The following GLIS1 variants were observed in gnomAD, a reference collection of about 807,000 sequenced individuals.
GLIS1 encodes GLIS family zinc finger 1.
A neutral mutation model predicts 63.8 loss-of-function variants in GLIS1; 24 were observed. That is an observed-to-expected ratio of 0.38 (90% CI 0.27 to 0.53). The LOEUF (loss-of-function observed/expected upper bound fraction) is 0.53, where lower values mean the gene tolerates loss of function less well. GLIS1 is among the 20% of genes least tolerant of loss of function. GLIS1 has a pLI of 0.85. For synonymous variants in GLIS1, 450 were observed against 482.5 expected, an observed-to-expected ratio of 0.93 and a Z score of 0.88; for missense variants, 1,036 against 1,074.1, an observed-to-expected ratio of 0.96 and a Z score of 0.50.
At chr1:53,641,431 G>A (rs1403473121) in intron 2 of GLIS1, among the ~76,000 whole-genome samples, 1 of 152,234 alleles carries the variant, frequency 6.6e-6, no homozygotes. Context: ...GCAGTCTGGG[G>A]AGGAGGAAAA....
At chr1:53,669,213 C>A (rs780428028) in intron 2 of GLIS1, among the ~76,000 whole-genome samples, 3 of 152,154 alleles carry the variant, frequency 2.0e-5, no homozygotes, top group Non-Finnish European at 4.4e-5. Context: ...ATCCTCCCCC[C>A]ACCTAGAGGA....
intron 4 of GLIS1, among the ~76,000 whole-genome samples, chr1:53,582,042 T>C (rs1341149894): frequency 6.6e-6 from 1 of 151,826 alleles, no homozygotes; most frequent in Non-Finnish European, 1.5e-5. Context: ...GAATGCAGAG[T>C]TGGGGAGGGA....
At chr1:53,697,652 C>A (rs1235762712) in intron 2 of GLIS1, among the ~76,000 whole-genome samples, 1 of 152,230 alleles carries the variant, frequency 6.6e-6, no homozygotes, top group South Asian at 2.1e-4. Flanking sequence ...GAAGGACCTA[C>A]CCATCCATCA....
chr1:53,734,029 C>A, intron 2 of GLIS1: 1 of 985,208 alleles, frequency 1.0e-6, no homozygotes, highest in African/African-American at 1.7e-5. Flanking sequence ...CCACCGCCCC[C>A]ACTCCGAGTC....
chr1:53,618,354 G>A (rs922562276), intron 2 of GLIS1, among the ~76,000 whole-genome samples: 1 of 152,242 alleles, frequency 6.6e-6, no homozygotes, highest in Non-Finnish European at 1.5e-5. Flanking sequence ...AGAAAGATGA[G>A]AGATAAGAAG....
chr1:53,734,148 T>C (rs1488509464), intron 2 of GLIS1: 21 of 985,250 alleles, frequency 2.1e-5, no homozygotes, highest in Non-Finnish European at 2.5e-5. Flanking sequence ...GGGTTCACAT[T>C]TGTCGTGATC....
chr1:53,662,816 T>C (rs1646043563), intron 2 of GLIS1, among the ~76,000 whole-genome samples: 1 of 152,226 alleles, frequency 6.6e-6, no homozygotes, highest in African/African-American at 2.4e-5. Context: ...TGACAACTAA[T>C]GCTTACTGAG....
chr1:53,549,635 A>C (rs1264550644), intron 4 of GLIS1, among the ~76,000 whole-genome samples: 2 of 152,232 alleles, frequency 1.3e-5, no homozygotes, highest in Non-Finnish European at 2.9e-5. Flanking sequence ...TTCATTATTA[A>C]GTTGAAAGAG....
At chr1:53,531,699 A>G (rs1247150752) in intron 4 of GLIS1, among the ~76,000 whole-genome samples, 1 of 152,348 alleles carries the variant, frequency 6.6e-6, no homozygotes, top group South Asian at 2.1e-4. Context: ...GAGATGTCAC[A>G]GAGGGAGACA....
intron 2 of GLIS1, among the ~76,000 whole-genome samples, chr1:53,607,196 A>G (rs948326475): frequency 2.0e-5 from 3 of 152,266 alleles, no homozygotes; most frequent in Non-Finnish European, 4.4e-5. Flanking sequence ...ACATGAGGAC[A>G]TAAACCTCTG....
At position 53,651,980 on chromosome 1, in the gene GLIS1, G is replaced by A. The variant is rs538844332; in HGVS notation, c.260-51702C>T. 6.6e-5 allele frequency among the ~76,000 whole-genome samples: 10 copies of A among 152,172 alleles called. No individual in the cohort carries two copies. In the South Asian group the frequency reaches 2.1e-3, roughly 32 times the overall value. ...CTCAGGGTGAATGAGACAAATGCAC[G>A]TCCTCAAGGCCTCTCCAGAGTTATG... On this transcript the variant is annotated intron_variant, in intron 2 of 10. Transcript: ENST00000628545.
chr1:53,730,719 TC>T (rs2100572715), intron 2 of GLIS1, among the ~76,000 whole-genome samples: 1 of 152,216 alleles, frequency 6.6e-6, no homozygotes, highest in Admixed American at 6.5e-5. Context: ...TGCAAGTCCA[TC>T]TTCAGAATCA....
chr1:53,547,218 G>A (rs777593480), intron 4 of GLIS1, among the ~76,000 whole-genome samples: 2 of 152,232 alleles, frequency 1.3e-5, no homozygotes, highest in Middle Eastern at 3.2e-3. Flanking sequence ...TGGGTAAGGC[G>A]AAAAGACCTG....
intron 4 of GLIS1, among the ~76,000 whole-genome samples, chr1:53,577,414 C>T (rs1164411883): frequency 6.6e-6 from 1 of 152,218 alleles, no homozygotes; most frequent in Admixed American, 6.5e-5. Flanking sequence ...CCTGTCCCTC[C>T]TGATTCTCTC....
intron 4 of GLIS1, among the ~76,000 whole-genome samples, chr1:53,592,453 AAG>A (rs1005355768): frequency 9.2e-5 from 14 of 152,072 alleles, no homozygotes; most frequent in Admixed American, 4.6e-4. Context: ...TCACCCATAA[AAG>A]AGAATATGTG....
rs2948049 is a variant in GLIS1 at position 53,609,676 on chromosome 1, A to T, written c.260-9398T>A. On this transcript the variant is annotated intron_variant, in intron 2 of 10. Transcript: ENST00000628545. Reference sequence around the variant, plus strand: ...TCCATTTTATTAGCTTGTTAGATATACTTTCTTCTATTGCAGTCTAATATA... The same window carrying T: ...TCCATTTTATTAGCTTGTTAGATATTCTTTCTTCTATTGCAGTCTAATATA... Among the ~76,000 whole-genome samples, 6 of 152,120 alleles carry T rather than the reference A, an allele frequency of 3.9e-5. 1 individual carries two copies. The highest frequency in any genetic ancestry group is 4.1e-4 in the South Asian group (2 of 4,836).
chr1:53,708,000 G>T (rs1646598036), intron 2 of GLIS1, among the ~76,000 whole-genome samples: 1 of 151,046 alleles, frequency 6.6e-6, no homozygotes, highest in Non-Finnish European at 1.5e-5. Flanking sequence ...GGAAAGCAAA[G>T]CACCAGGCGC....
chr1:53,627,143 C>T (rs879441457), intron 2 of GLIS1, among the ~76,000 whole-genome samples: 1 of 152,172 alleles, frequency 6.6e-6, no homozygotes, highest in East Asian at 1.9e-4. Flanking sequence ...CAAGGCATTA[C>T]CTGAATGGCC....
At chr1:53,668,182 G>C (rs953457482) in intron 2 of GLIS1, among the ~76,000 whole-genome samples, 4 of 152,188 alleles carry the variant, frequency 2.6e-5, no homozygotes, top group African/African-American at 9.7e-5. Context: ...ACACTTCCTT[G>C]TTGTGGGATT....
Sources: gnomAD v4.1 joint callset for allele counts (sites outside exome capture counted in the v4.1 genomes callset) on GRCh38, gnomAD v4.1.1 for gene constraint, MANE v1.5 for transcripts, NCBI Gene and HGNC (gene_info 2026-07-23, HGNC 2026-07-21) for gene names.